LTBR: variants seen among roughly 807,000 people sequenced by gnomAD.
The protein encoded by LTBR is tumor necrosis factor receptor superfamily member 3.
A neutral mutation model predicts 45.4 loss-of-function variants in LTBR; 15 were observed. The observed-to-expected ratio is 0.33, with a 90% confidence interval of 0.22 to 0.51. The LOEUF (loss-of-function observed/expected upper bound fraction) is 0.51, where lower values mean the gene tolerates loss of function less well. LTBR is among the 20% of genes least tolerant of loss of function. The probability of loss-of-function intolerance (pLI) is 0.97; values close to 1 mark genes in which losing one functional copy is unlikely to be tolerated. For synonymous variants in LTBR, 228 were observed against 231.0 expected, an observed-to-expected ratio of 0.99 and a Z score of 0.12; for missense variants, 450 against 565.5, an observed-to-expected ratio of 0.80 and a Z score of 2.07.
At position 6,390,754 on chromosome 12, in the gene LTBR, T is replaced by C. The variant is rs756292200; in HGVS notation, c.1125T>C (p.Pro375=). The C allele has an allele frequency of 2.5e-6, 4 of 1,573,030 alleles. No individual in the cohort carries two copies. Among genetic ancestry groups the C allele is most frequent in the Admixed American group, 1.8e-5 (1 of 54,282 alleles). ...CAGTACTGGGGGGACCACCGGGTCCTGGAGACCTCCCAGCTACCCCCGAAC... is the reference window on the plus strand; with the variant it reads ...CAGTACTGGGGGGACCACCGGGTCCCGGAGACCTCCCAGCTACCCCCGAAC... ...NGPVLGGPPG[P]GDLPATPEPP... Residue 375 remains proline, a synonymous_variant, in exon 10 of 10, where the codon CCT becomes CCC. Transcript: ENST00000228918.
upstream of LTBR, among the ~76,000 whole-genome samples, chr12:6,379,225 C>T (rs553962636): frequency 2.6e-5 from 4 of 152,290 alleles, no homozygotes; most frequent in East Asian, 7.7e-4. Context: ...CAGTGTCTAG[C>T]GGTCACTGTT....
intron 6 of LTBR, chr12:6,387,814 G>A (rs1317467732): frequency 2.2e-6 from 1 of 453,780 alleles, no homozygotes; most frequent in African/African-American, 2.0e-5. Context: ...CCCTGAGCAA[G>A]GGGGTGGAGA....
upstream of LTBR, chr12:6,375,276 T>C (rs1592090247): frequency 4.2e-6 from 6 of 1,438,790 alleles, no homozygotes; most frequent in Non-Finnish European, 4.5e-6. Flanking sequence ...CTCTCTCTAA[T>C]CCTGCCTCTC....
upstream of LTBR, among the ~76,000 whole-genome samples, chr12:6,379,324 C>G (rs1251206162): frequency 6.6e-6 from 1 of 152,174 alleles, no homozygotes; most frequent in Non-Finnish European, 1.5e-5. Flanking sequence ...AAAGCATCTG[C>G]AAAACTTCAA....
At chr12:6,377,888 T>C (rs980233864) in intron 1 of LTBR, among the ~76,000 whole-genome samples, 1 of 152,216 alleles carries the variant, frequency 6.6e-6, no homozygotes, top group Non-Finnish European at 1.5e-5. Context: ...CCCTGCCACG[T>C]CCTGCCGGGT....
At position 6,386,133 on chromosome 12, in the gene LTBR, C is replaced by T. The variant is rs41335846; in HGVS notation, c.540C>T (p.Ser180=). 6.9e-4 allele frequency: 1,115 copies of T among 1,613,616 alleles called. 7 individuals carry two copies. In the African/African-American group the frequency reaches 0.013, roughly 18 times the overall value. Residue 180 remains serine (S), a synonymous_variant, in exon 5 of 10, where the codon TCC becomes TCT. Transcript: ENST00000228918. This position sits in a 1 kb window ranked among gnomAD's most constrained non-coding sequence, Gnocchi z 4.1. ...CCGGGCACTTCCAGAATACCTCCTC[C>T]CCCAGCGCCCGCTGCCAGCCCCACA... The part of the protein sequence containing the change: ...CKAGHFQNTS[S]PSARCQPHTR...
At position 6,386,105 on chromosome 12, in the gene LTBR, A is replaced by T; in HGVS notation, c.512A>T (p.Lys171Met). Residue 171 changes from lysine (K) to methionine (M), a missense_variant, in exon 5 of 10, where the codon AAG becomes ATG. Physicochemically the swap from Lys to Met is moderately conservative, Grantham distance 95. This residue lies in a region of LTBR where 367 missense variants were observed against 435.4 expected (regional missense o/e 0.84). Transcript: ENST00000228918. This position sits in a 1 kb window ranked among gnomAD's most constrained non-coding sequence, Gnocchi z 4.1. The stretch of plus-strand genomic sequence containing the variant: ...GGTAACAACCACTGCGTCCCCTGCA[A>T]GGCCGGGCACTTCCAGAATACCTCC... ...GKGNNHCVPCKAGHFQNTSSP... is the reference protein window; with the variant it reads ...GKGNNHCVPCMAGHFQNTSSP... The T allele has an allele frequency of 6.2e-7, 1 of 1,613,940 alleles. No homozygotes were observed. The highest frequency in any genetic ancestry group is 8.5e-7 in the Non-Finnish European group (1 of 1,179,914).
Position 6,390,139 on chromosome 12 carries a change from A to C in LTBR, c.829A>C (p.Ser277Arg), listed in dbSNP as rs764572877. 1.9e-6 allele frequency: 3 copies of C among 1,614,050 alleles called. No individual in the cohort carries two copies. The highest frequency in any genetic ancestry group is 2.5e-6 in the Non-Finnish European group (3 of 1,179,974). The change falls in exon 9 of 10, where the codon AGC (serine) becomes CGC (arginine). Residue 277 changes from serine (S) to arginine (R), a missense_variant. By Grantham distance (110) the Ser-to-Arg change is moderately radical. Transcript: ENST00000228918. ...QGEGPNPVAG[S>R]WEPPKAHPYF... ...AGAGGGACCCAATCCTGTAGCTGGA[A>C]GCTGGGAGCCTCCGAAGGCCCATCC...
chr12:6,375,746 G>A, intron 1 of LTBR: 1 of 1,414,448 alleles, frequency 7.1e-7, no homozygotes, highest in Admixed American at 3.0e-5. Context: ...CAAGGAGGCT[G>A]GGGGACAGGA....
In LTBR at chr12:6,388,400, A is replaced by C. The variant is rs777182084; in HGVS notation, c.670A>C (p.Thr224Pro). ...LEPLPPEMSGTMLMLAVLLPL... is the reference protein window; with the variant it reads ...LEPLPPEMSGPMLMLAVLLPL... ...CCTCCTGTCTGCTGTCCTGGCAGGA[A>C]CCATGCTGATGCTGGCCGTTCTGCT... The change falls in exon 7 of 10, where the codon ACC becomes CCC. Residue 224 changes from threonine (T) to proline (P), a missense_variant and splice_region_variant. Thr to Pro is a conservative substitution (Grantham distance 38). This residue lies in a region of LTBR where 367 missense variants were observed against 435.4 expected (regional missense o/e 0.84). Coordinates refer to ENST00000228918, the MANE Select transcript of LTBR (RefSeq NM_002342.3). The surrounding 1 kb of genome is among the most constrained non-coding windows in gnomAD (Gnocchi z 4.3). 5 of 1,612,688 alleles carry C rather than the reference A, an allele frequency of 3.1e-6. No homozygotes were observed. The highest frequency in any genetic ancestry group is 4.2e-6 in the Non-Finnish European group (5 of 1,179,142).
chr12:6,378,198 C>T (rs770280788), intron 1 of LTBR, among the ~76,000 whole-genome samples: 4 of 147,848 alleles, frequency 2.7e-5, no homozygotes, highest in African/African-American at 1.0e-4. Context: ...TATAAACTTA[C>T]ATGTATTTTT....
chr12:6,386,440 G>A lies in LTBR; in HGVS notation c.663G>A (p.Met221Ile). The change falls in exon 6 of 10, where the codon ATG becomes ATA. Residue 221 changes from methionine to isoleucine, a missense_variant. Coordinates refer to ENST00000228918, the MANE Select transcript of LTBR (RefSeq NM_002342.3). This position sits in a 1 kb window ranked among gnomAD's most constrained non-coding sequence, Gnocchi z 4.1. ...CATTAGAGCCACTGCCCCCAGAGAT[G>A]TCAGGTGAGGGACCAGGGCTGAGGG... ...KNPLEPLPPEMSGTMLMLAVL... is the reference protein window; with the variant it reads ...KNPLEPLPPEISGTMLMLAVL... 1 of 1,605,898 alleles carries A rather than the reference G, an allele frequency of 6.2e-7. No individual in the cohort carries two copies. The highest frequency in any genetic ancestry group is 8.5e-7 in the Non-Finnish European group (1 of 1,176,992).
chr12:6,390,228 T>C lies in LTBR; in HGVS notation c.918T>C (p.Thr306=), dbSNP rs1332745701. The change falls in exon 9 of 10, where the codon ACT becomes ACC. Residue 306 remains threonine, a synonymous_variant. Transcript: ENST00000228918. ...CTGGAGATGTTTCCCCAGTATCCAC[T>C]GGGCTCCCCGCAGCCCCAGTTTTGG... ...PISGDVSPVS[T]GLPAAPVLEA... 1.9e-6 allele frequency: 3 copies of C among 1,613,930 alleles called. No individual in the cohort carries two copies. The Admixed American group carries it at 5.0e-5, about 27-fold the overall frequency.
chr12:6,386,467 C>T lies in LTBR; in HGVS notation c.667+23C>T. The T allele has an allele frequency of 2.1e-6, 3 of 1,410,324 alleles. No individual in the cohort carries two copies. Among genetic ancestry groups the T allele is most frequent in the Non-Finnish European group, 2.8e-6 (3 of 1,053,918 alleles). 87.4% of individuals were successfully genotyped at this position (1,410,324 alleles called of 1,614,324 possible). ...CAGGTGAGGGACCAGGGCTGAGGGA[C>T]ACGGGGGGGGCGCCTCTGAAAATGC... On this transcript the variant is annotated intron_variant, in intron 6 of 9. Coordinates refer to ENST00000228918, the MANE Select transcript of LTBR (RefSeq NM_002342.3). The surrounding 1 kb of genome is among the most constrained non-coding windows in gnomAD (Gnocchi z 4.1).
chr12:6,385,937 G>T, intron 4 of LTBR, 129 bp from the exon 5 acceptor site: 2 of 654,060 alleles, frequency 3.1e-6, no homozygotes, highest in Non-Finnish European at 5.5e-6. Flanking sequence ...GCAAAGCAGA[G>T]CTTGGGAAAG....
chr12:6,386,454 C>G lies in LTBR; in HGVS notation c.667+10C>G, dbSNP rs1949049328. ...CCCCCAGAGATGTCAGGTGAGGGAC[C>G]AGGGCTGAGGGACACGGGGGGGGCG... On this transcript the variant is annotated intron_variant, in intron 6 of 9. Transcript: ENST00000228918. The surrounding 1 kb of genome is among the most constrained non-coding windows in gnomAD (Gnocchi z 4.1). 1.3e-6 allele frequency: 2 copies of G among 1,535,536 alleles called. No homozygotes were observed. The highest frequency in any genetic ancestry group is 1.7e-5 in the African/African-American group (1 of 59,420).
intron 6 of LTBR, chr12:6,387,839 C>T (rs2136932717): frequency 2.2e-6 from 1 of 455,312 alleles, no homozygotes; most frequent in Admixed American, 2.4e-5. Flanking sequence ...GCAAGCCCTG[C>T]TCTACCAGGC....
chr12:6,384,933 C>A, intron 2 of LTBR, 89 bp from the exon 3 acceptor site: 1 of 1,544,178 alleles, frequency 6.5e-7, no homozygotes, highest in Non-Finnish European at 8.9e-7. Flanking sequence ...CCAGAGAGAC[C>A]GAGGGAAAGG....
At chr12:6,384,760 G>T in intron 2 of LTBR, 76 bp downstream of exon 2, 2 of 1,390,688 alleles carry the variant, frequency 1.4e-6, no homozygotes, top group South Asian at 1.2e-5. Flanking sequence ...CGGCCTCAGA[G>T]GGAAGGTGGG....
Sources: allele counts gnomAD v4.1 joint callset (sites outside exome capture counted in the v4.1 genomes callset), GRCh38; gene constraint gnomAD v4.1.1; regional missense constraint gnomAD v4.1.1; non-coding constraint Gnocchi (gnomAD v3.1); transcripts MANE v1.5; gene names NCBI Gene and HGNC (gene_info 2026-07-23, HGNC 2026-07-21).